The following MACROD2 variants were observed in gnomAD, a reference collection of about 807,000 sequenced individuals.
MACROD2 encodes ADP-ribose glycohydrolase MACROD2.
A neutral mutation model predicts 70.4 loss-of-function variants in MACROD2; 36 were observed. That is an observed-to-expected ratio of 0.51 (90% CI 0.39 to 0.68). The LOEUF (loss-of-function observed/expected upper bound fraction) is 0.68, where lower values mean the gene tolerates loss of function less well. Among genes scored for constraint, MACROD2 ranks in the 30% least tolerant of loss-of-function variants. The pLI, the probability that MACROD2 is intolerant of heterozygous loss-of-function variation, is 0.00. For missense variants in MACROD2, 496 were observed against 538.4 expected (o/e 0.92, Z 0.78); for synonymous variants, 172 against 178.8 (o/e 0.96, Z 0.30).
chr20:15,885,506 G>A (rs1399731897), intron 9 of MACROD2, among the ~76,000 whole-genome samples: 2 of 152,044 alleles, frequency 1.3e-5, no homozygotes, highest in Admixed American at 6.6e-5. Context: ...TAAAACAAAC[G>A]ATTGCATATA....
intron 5 of MACROD2, among the ~76,000 whole-genome samples, chr20:14,705,093 G>A (rs1381531992): frequency 1.3e-5 from 2 of 151,746 alleles, no homozygotes; most frequent in Admixed American, 6.6e-5. Flanking sequence ...GTGTATGTGT[G>A]ACAAGAGCAA....
chr20:15,271,232 G>T (rs1329642054), intron 6 of MACROD2, among the ~76,000 whole-genome samples: 2 of 152,176 alleles, frequency 1.3e-5, no homozygotes, highest in African/African-American at 4.8e-5. Flanking sequence ...ACAATCCCTT[G>T]TTCATAGAAA....
intron 8 of MACROD2, among the ~76,000 whole-genome samples, chr20:15,676,343 A>G (rs931283226): frequency 1.3e-5 from 2 of 152,246 alleles, no homozygotes; most frequent in African/African-American, 4.8e-5. Flanking sequence ...TAGACAGGCA[A>G]TGCCCATGCA....
chr20:15,101,206 A>G (rs1161654815), intron 5 of MACROD2, among the ~76,000 whole-genome samples: 1 of 152,144 alleles, frequency 6.6e-6, no homozygotes, highest in Non-Finnish European at 1.5e-5. Context: ...AAATGGATAT[A>G]TCCAATTTTT....
At chr20:16,015,594 A>AATT (rs1231766950) in intron 15 of MACROD2, among the ~76,000 whole-genome samples, 1 of 152,246 alleles carries the variant, frequency 6.6e-6, no homozygotes, top group African/African-American at 2.4e-5. Flanking sequence ...TATTGGGATT[A>AATT]ATTAAGTTAA....
chr20:15,995,295 C>G (rs1396524458), intron 15 of MACROD2, among the ~76,000 whole-genome samples: 2 of 151,596 alleles, frequency 1.3e-5, no homozygotes. Flanking sequence ...CTGGGCTCAT[C>G]CCAAGCATAG....
At position 13,995,886 on chromosome 20, in the gene MACROD2, C is replaced by T; in HGVS notation, c.46+77C>T. ...GGCGGGGGTCAGGCTGTGTGTGCCGCGGCGCCCTCCGCCCGAGCTCCCGCC... is the reference window on the plus strand; with the variant it reads ...GGCGGGGGTCAGGCTGTGTGTGCCGTGGCGCCCTCCGCCCGAGCTCCCGCC... On this transcript the variant is annotated intron_variant, in intron 1 of 17. Transcript: ENST00000684519. This position sits in a 1 kb window ranked among gnomAD's most constrained non-coding sequence, Gnocchi z 4.3. 7.4e-6 allele frequency: 11 copies of T among 1,495,954 alleles called. No homozygotes were observed. The highest frequency in any genetic ancestry group is 1.0e-5 in the Non-Finnish European group (11 of 1,100,704). The allele number at this position is 1,495,954 out of a possible 1,614,324, so 92.7% of individuals were successfully genotyped here.
At chr20:15,740,981 A>G (rs956279820) in intron 8 of MACROD2, among the ~76,000 whole-genome samples, 4 of 152,060 alleles carry the variant, frequency 2.6e-5, no homozygotes, top group Admixed American at 1.3e-4. Flanking sequence ...TCAAAACACA[A>G]TGGAAATGAT....
At chr20:15,246,627 G>C (rs993255996) in intron 6 of MACROD2, among the ~76,000 whole-genome samples, 2 of 152,262 alleles carry the variant, frequency 1.3e-5, no homozygotes, top group Middle Eastern at 3.4e-3. Flanking sequence ...CAGTGGATGC[G>C]TAAGATGATA....
At chr20:14,607,600 A>C (rs8116714) in intron 4 of MACROD2, among the ~76,000 whole-genome samples, 1 of 152,104 alleles carries the variant, frequency 6.6e-6, no homozygotes, top group Admixed American at 6.5e-5. Flanking sequence ...AGACCAAGGC[A>C]TGTTTCCTGA....
At chr20:15,147,706 C>G (rs185309879) in intron 5 of MACROD2, among the ~76,000 whole-genome samples, 32 of 152,224 alleles carry the variant, frequency 2.1e-4, no homozygotes, top group African/African-American at 7.5e-4. Context: ...CATGTGCGTC[C>G]GTGTGAACAG....
intron 3 of MACROD2, among the ~76,000 whole-genome samples, chr20:14,272,514 C>A (rs1349427617): frequency 2.6e-5 from 4 of 151,958 alleles, no homozygotes; most frequent in African/African-American, 9.7e-5. Flanking sequence ...TGGAAAGGAA[C>A]AACCGGTACC....
chr20:15,042,665 G>A (rs751062188), intron 5 of MACROD2, among the ~76,000 whole-genome samples: 2 of 152,134 alleles, frequency 1.3e-5, no homozygotes, highest in Non-Finnish European at 2.9e-5. Flanking sequence ...GAACTTGAAG[G>A]TCCCTGTCTT....
intron 1 of MACROD2, among the ~76,000 whole-genome samples, chr20:14,001,981 A>G (rs2052738438): frequency 6.6e-6 from 1 of 152,202 alleles, no homozygotes; most frequent in Admixed American, 6.5e-5. Flanking sequence ...TCCAAACCAT[A>G]TCACTTATCC....
At chr20:15,640,140 T>G (rs1600701970) in intron 8 of MACROD2, among the ~76,000 whole-genome samples, 1 of 143,566 alleles carries the variant, frequency 7.0e-6, no homozygotes, top group African/African-American at 2.6e-5. Context: ...GGAGAAATGA[T>G]AAAAGAGAGA....
chr20:15,325,789 T>C (rs2077922545), intron 6 of MACROD2, among the ~76,000 whole-genome samples: 2 of 152,126 alleles, frequency 1.3e-5, no homozygotes, highest in South Asian at 2.1e-4. Context: ...TCCCAAAGTT[T>C]TGGATGTTTT....
chr20:15,234,901 TTG>T (rs1306166870), intron 6 of MACROD2, among the ~76,000 whole-genome samples: 1 of 152,224 alleles, frequency 6.6e-6, no homozygotes, highest in Non-Finnish European at 1.5e-5. Context: ...TTTATTCTTT[TTG>T]TTTGTGAGCA....
chr20:15,686,509 G>A (rs2050226670), intron 8 of MACROD2, among the ~76,000 whole-genome samples: 1 of 152,166 alleles, frequency 6.6e-6, no homozygotes, highest in South Asian at 2.1e-4. Flanking sequence ...CAGTAGAAGG[G>A]CCAGCTGAAA....
At chr20:15,169,142 G>C (rs1385678423) in intron 5 of MACROD2, among the ~76,000 whole-genome samples, 1 of 152,080 alleles carries the variant, frequency 6.6e-6, no homozygotes, top group East Asian at 1.9e-4. Context: ...CCTAAAATTG[G>C]TTAAAAGGGT....
Sources: allele counts gnomAD v4.1 joint callset (sites outside exome capture counted in the v4.1 genomes callset), GRCh38; gene constraint gnomAD v4.1.1; non-coding constraint Gnocchi (gnomAD v3.1); transcripts MANE v1.5; gene names NCBI Gene and HGNC (gene_info 2026-07-23, HGNC 2026-07-21).